C12orf42: variants seen among roughly 807,000 people sequenced by gnomAD.
C12orf42 encodes uncharacterized protein C12orf42.
A neutral mutation model predicts 21.6 loss-of-function variants in C12orf42; 25 were observed. That is an observed-to-expected ratio of 1.16 (90% confidence interval 0.84 to 1.62). C12orf42 has a LOEUF of 1.62. Ranked by LOEUF, C12orf42 falls within the 40% of genes most tolerant of loss-of-function variation. C12orf42 has a pLI of 0.00. For missense variants in C12orf42, 483 were observed against 459.3 expected (o/e 1.05, Z -0.47); for synonymous variants, 174 against 175.0 (o/e 0.99, Z 0.05).
Position 103,484,520 on chromosome 12 carries a change from G to A in C12orf42, c.-21-6073C>T, listed in dbSNP as rs537881849. Among the ~76,000 whole-genome samples, 12 of 152,052 alleles carry A rather than the reference G, an allele frequency of 7.9e-5. No homozygotes were observed. In the South Asian group the frequency reaches 2.5e-3, roughly 32 times the overall value. On this transcript the variant is annotated intron_variant, in intron 1 of 5. Transcript: ENST00000548883. ...TTTTCAATGGGGTTGTTTTTTTCTT[G>A]TAATTTGTTTAAGTTCTTTGTAGAT...
At chr12:103,369,184 C>T (rs968034456) in intron 3 of C12orf42, among the ~76,000 whole-genome samples, 186 bp from the exon 4 acceptor site, 2 of 152,030 alleles carry the variant, frequency 1.3e-5, no homozygotes, top group Non-Finnish European at 2.9e-5. Flanking sequence ...TTTACATGCA[C>T]ATTCCTCTTA....
intron 2 of C12orf42, among the ~76,000 whole-genome samples, chr12:103,436,230 C>G (rs1290178178): frequency 6.7e-6 from 1 of 149,522 alleles, no homozygotes; most frequent in African/African-American, 2.5e-5. Flanking sequence ...CAGGCCTGCC[C>G]TAAAAGAGCT....
At chr12:103,548,653 A>G in the C12orf42 span, 1 of 152,248 alleles carries the variant, frequency 6.6e-6, no homozygotes, top group East Asian at 1.9e-4. Context: ...CTTTGCATCA[A>G]CTTTTAATAT....
chr12:103,496,930 C>T (rs987252478), upstream of C12orf42, among the ~76,000 whole-genome samples: 1 of 150,838 alleles, frequency 6.6e-6, no homozygotes. Flanking sequence ...CAACTCAAAC[C>T]CATTTTCTGC....
At chr12:103,343,688 C>A (rs904029036) in intron 4 of C12orf42, among the ~76,000 whole-genome samples, 2 of 150,540 alleles carry the variant, frequency 1.3e-5, no homozygotes, top group Non-Finnish European at 3.0e-5. Context: ...GCAGAAGAAT[C>A]GCTTGAACCC....
At chr12:103,077,713 CTG>C in the C12orf42 span, among the ~76,000 whole-genome samples, 1 of 152,148 alleles carries the variant, frequency 6.6e-6, no homozygotes, top group Non-Finnish European at 1.5e-5. Context: ...GAAAGAAAAA[CTG>C]TTCACACTCA....
chr12:103,532,918 G>T, the C12orf42 span, among the ~76,000 whole-genome samples: 1 of 152,210 alleles, frequency 6.6e-6, no homozygotes, highest in Non-Finnish European at 1.5e-5. Flanking sequence ...TGCCCCACAG[G>T]CAAGGTGAAG....
chr12:103,400,774 G>A (rs536233487), intron 3 of C12orf42, among the ~76,000 whole-genome samples: 5 of 152,116 alleles, frequency 3.3e-5, no homozygotes, highest in South Asian at 2.1e-4. Context: ...TCCTGCTCAC[G>A]AATTTTGAAA....
intron 4 of C12orf42, among the ~76,000 whole-genome samples, chr12:103,330,446 T>C (rs974464216): frequency 2.0e-5 from 3 of 152,210 alleles, no homozygotes; most frequent in African/African-American, 7.2e-5. Context: ...TTAGTCTCAA[T>C]AAATCCCTCA....
chr12:103,106,238 A>C, the C12orf42 span, among the ~76,000 whole-genome samples: 1 of 152,132 alleles, frequency 6.6e-6, no homozygotes, highest in African/African-American at 2.4e-5. Context: ...TGAGTAAATA[A>C]AGACATTTCA....
chr12:103,505,831 A>C, the C12orf42 span, among the ~76,000 whole-genome samples: 1 of 152,212 alleles, frequency 6.6e-6, no homozygotes, highest in Non-Finnish European at 1.5e-5. Context: ...AGGGGGTCAC[A>C]AATGAGATGG....
chr12:103,141,802 T>C, the C12orf42 span, among the ~76,000 whole-genome samples: 1 of 152,258 alleles, frequency 6.6e-6, no homozygotes, highest in East Asian at 1.9e-4. Flanking sequence ...ATTGCTGGGA[T>C]TACAGGCATG....
chr12:103,467,801 C>T (rs150595462), intron 2 of C12orf42, among the ~76,000 whole-genome samples: 3 of 152,270 alleles, frequency 2.0e-5, no homozygotes, highest in African/African-American at 7.2e-5. Flanking sequence ...GGGGAACTTT[C>T]TGACATTACT....
chr12:103,407,677 G>A (rs1566257491), intron 2 of C12orf42, among the ~76,000 whole-genome samples: 1 of 152,122 alleles, frequency 6.6e-6, no homozygotes, highest in East Asian at 1.9e-4. Flanking sequence ...TTTTGGGGGA[G>A]TCAAAAGTTA....
chr12:103,310,045 T>G (rs905344675), intron 4 of C12orf42, among the ~76,000 whole-genome samples: 5 of 152,186 alleles, frequency 3.3e-5, no homozygotes, highest in African/African-American at 1.2e-4. Context: ...TTGATATAGT[T>G]TGTATATTTG....
chr12:103,098,390 T>C, the C12orf42 span, among the ~76,000 whole-genome samples: 93,558 of 152,006 alleles, frequency 0.62, 30,169 homozygotes, highest in East Asian at 0.82. Flanking sequence ...CATATACAGC[T>C]CTTACAAACA....
At chr12:103,307,330 C>G (rs944602242) in intron 4 of C12orf42, among the ~76,000 whole-genome samples, 2 of 152,114 alleles carry the variant, frequency 1.3e-5, no homozygotes, top group African/African-American at 4.8e-5. Context: ...TCAAAACTGC[C>G]CTAGAATATT....
At chr12:103,385,158 A>AT (rs1322403065) in intron 3 of C12orf42, among the ~76,000 whole-genome samples, 3 of 152,180 alleles carry the variant, frequency 2.0e-5, no homozygotes, top group East Asian at 3.8e-4. Flanking sequence ...TCCACGTTTC[A>AT]TTTTTTTACC....
At chr12:103,524,417 T>C in the C12orf42 span, among the ~76,000 whole-genome samples, 1 of 152,192 alleles carries the variant, frequency 6.6e-6, no homozygotes. Context: ...TCAGGTTTTC[T>C]GTGTGTGTCC....
Sources: gnomAD v4.1 joint callset for allele counts (sites outside exome capture counted in the v4.1 genomes callset) on GRCh38, gnomAD v4.1.1 for gene constraint, MANE v1.5 for transcripts, NCBI Gene and HGNC (gene_info 2026-07-23, HGNC 2026-07-21) for gene names.